CEP112: variants seen among roughly 807,000 people sequenced by gnomAD.
CEP112 encodes the protein centrosomal protein 112.
CEP112 carries 127 observed loss-of-function variants against 153.0 expected under a neutral mutation model. That is an observed-to-expected ratio of 0.83 (90% CI 0.72 to 0.96). The LOEUF is 0.96. CEP112 is among the 40% of genes least tolerant of loss of function. CEP112 has a pLI of 0.00. For missense variants in CEP112, 1,089 were observed against 1,101.2 expected, an observed-to-expected ratio of 0.99 and a Z score of 0.16; for synonymous variants, 358 against 374.4, an observed-to-expected ratio of 0.96 and a Z score of 0.51.
chr17:65,672,132 T>C (rs952454228), intron 24 of CEP112, among the ~76,000 whole-genome samples: 5 of 152,100 alleles, frequency 3.3e-5, no homozygotes, highest in Admixed American at 6.6e-5. Context: ...ACCAGAATTA[T>C]CCATTTAGAA....
intron 19 of CEP112, among the ~76,000 whole-genome samples, chr17:65,920,325 T>C (rs9910251): frequency 0.018 from 2,311 of 130,922 alleles, 88 homozygotes; most frequent in African/African-American, 0.064. Context: ...CCAGCCTGGG[T>C]GACAGACCAG....
intron 12 of CEP112, among the ~76,000 whole-genome samples, chr17:66,043,921 AG>A (rs2066092637): frequency 6.6e-6 from 1 of 152,188 alleles, no homozygotes; most frequent in Non-Finnish European, 1.5e-5. Flanking sequence ...TTTCATCTTA[AG>A]CCAGGCCTTG....
At chr17:66,035,371 C>T (rs1482012426) in intron 12 of CEP112, among the ~76,000 whole-genome samples, 25 of 151,960 alleles carry the variant, frequency 1.6e-4, no homozygotes, top group Admixed American at 1.6e-3. Context: ...CAAGTGAGTA[C>T]CTCTGTGAAC....
chr17:65,671,615 T>G (rs1033667038), intron 24 of CEP112, among the ~76,000 whole-genome samples: 11 of 152,184 alleles, frequency 7.2e-5, no homozygotes. Context: ...TGTGTGTGTA[T>G]GTATATATAT....
chr17:65,969,296 G>T (rs1488187993), intron 17 of CEP112, among the ~76,000 whole-genome samples: 1 of 152,012 alleles, frequency 6.6e-6, no homozygotes, highest in African/African-American at 2.4e-5. Context: ...TGTTGGCCAG[G>T]CTGATCTAGG....
At chr17:65,698,667 T>TC (rs1396528906) in intron 23 of CEP112, among the ~76,000 whole-genome samples, 1 of 151,696 alleles carries the variant, frequency 6.6e-6, no homozygotes, top group Non-Finnish European at 1.5e-5. Flanking sequence ...CAAAGCACAT[T>TC]CCCCCGCTTC....
At position 65,888,240 on chromosome 17, in the gene CEP112, C is replaced by G. The variant is rs183390955; in HGVS notation, c.2163+13912G>C. On this transcript the variant is annotated intron_variant, in intron 20 of 26. Transcript: ENST00000535342. ...CTGCCCAATTCAATGTTGTTCAGAT[C>G]TTCCCTTTGCTATGAAGACTCCCCC... Among the ~76,000 whole-genome samples, 603 of 152,270 alleles carry G rather than the reference C, an allele frequency of 4.0e-3. 3 individuals carry two copies. The highest frequency in any genetic ancestry group is 0.014 in the African/African-American group (576 of 41,546).
At chr17:65,883,702 A>C (rs911404079) in intron 20 of CEP112, among the ~76,000 whole-genome samples, 10 of 152,186 alleles carry the variant, frequency 6.6e-5, no homozygotes, top group African/African-American at 2.4e-4. Context: ...CAAGCTATGA[A>C]AGGATTTTAA....
At chr17:65,780,645 C>G (rs572812494) in intron 21 of CEP112, among the ~76,000 whole-genome samples, 1 of 152,162 alleles carries the variant, frequency 6.6e-6, no homozygotes, top group South Asian at 2.1e-4. Context: ...AAACTGACTA[C>G]TGTATTTAAC....
intron 22 of CEP112, among the ~76,000 whole-genome samples, chr17:65,744,231 T>G (rs2051304026): frequency 6.9e-6 from 1 of 144,384 alleles, no homozygotes; most frequent in Non-Finnish European, 1.5e-5. Flanking sequence ...GGTTTTTTTG[T>G]GTTTTTTGTT....
chr17:66,083,591 G>A (rs1320687957), intron 8 of CEP112, among the ~76,000 whole-genome samples: 1 of 152,202 alleles, frequency 6.6e-6, no homozygotes, highest in East Asian at 1.9e-4. Context: ...GCTCACGCCT[G>A]TAATTCTAGC....
At chr17:65,958,885 C>A (rs1568293262) in intron 18 of CEP112, among the ~76,000 whole-genome samples, 1 of 152,124 alleles carries the variant, frequency 6.6e-6, no homozygotes. Flanking sequence ...ACCCATGGAC[C>A]AATCAGTGTG....
intron 11 of CEP112, among the ~76,000 whole-genome samples, chr17:66,062,110 T>C (rs1179637757): frequency 6.6e-6 from 1 of 152,160 alleles, no homozygotes; most frequent in African/African-American, 2.4e-5. Context: ...GTAAGTTTCC[T>C]GAGGCCTCCC....
At chr17:65,655,437 C>T (rs1202685571) in intron 24 of CEP112, 2 of 1,249,644 alleles carry the variant, frequency 1.6e-6, no homozygotes, top group Admixed American at 1.7e-5. Context: ...TTGTCTTTGA[C>T]TGCTGTCTTT....
intron 17 of CEP112, among the ~76,000 whole-genome samples, chr17:65,985,449 G>C (rs185469794): frequency 6.6e-6 from 1 of 152,270 alleles, no homozygotes; most frequent in Non-Finnish European, 1.5e-5. Flanking sequence ...TCTAACTAGT[G>C]GTGGATGACA....
In CEP112 at chr17:65,798,743, G is replaced by T. The variant is rs146626796; in HGVS notation, c.2395-48019C>A. On this transcript the variant is annotated intron_variant, in intron 21 of 26. Coordinates refer to ENST00000535342, the MANE Select transcript of CEP112 (RefSeq NM_001199165.4). The stretch of plus-strand genomic sequence containing the variant: ...CTGTCTCTTGTTTAGAAAGGTTATA[G>T]TTAATTGCTTTAGAATCCAAAGCTA... 4.8e-4 allele frequency among the ~76,000 whole-genome samples: 73 copies of T among 152,292 alleles called. 1 individual carries two copies. Among genetic ancestry groups the T allele is most frequent in the African/African-American group, 1.7e-3 (69 of 41,576 alleles).
chr17:65,773,779 G>A (rs146665957), intron 21 of CEP112, among the ~76,000 whole-genome samples: 6 of 152,042 alleles, frequency 3.9e-5, no homozygotes, highest in Middle Eastern at 6.8e-3. Context: ...CTGCCTCGTG[G>A]GAAAGTATAG....
intron 18 of CEP112, among the ~76,000 whole-genome samples, chr17:65,949,706 AC>A (rs1433777991): frequency 1.3e-5 from 2 of 152,190 alleles, no homozygotes; most frequent in Non-Finnish European, 2.9e-5. Flanking sequence ...ATTCAACAAA[AC>A]AGTCAGAGAT....
intron 16 of CEP112, among the ~76,000 whole-genome samples, chr17:66,019,340 C>T (rs914196336): frequency 1.3e-5 from 2 of 152,040 alleles, no homozygotes; most frequent in Admixed American, 1.3e-4. Flanking sequence ...AAGCCCTATA[C>T]ATCCCATTTA....
Sources: allele counts gnomAD v4.1 joint callset (sites outside exome capture counted in the v4.1 genomes callset), GRCh38; gene constraint gnomAD v4.1.1; transcripts MANE v1.5; gene names NCBI Gene and HGNC (gene_info 2026-07-23, HGNC 2026-07-21).